The following HIVEP2 variants were observed in gnomAD, a reference collection of about 807,000 sequenced individuals.
HIVEP2 encodes the protein HIVEP zinc finger 2.
A neutral mutation model predicts 180.7 loss-of-function variants in HIVEP2; 14 were observed. That is an observed-to-expected ratio of 0.08 (90% CI 0.05 to 0.12). The LOEUF (loss-of-function observed/expected upper bound fraction) is 0.12, where lower values mean the gene tolerates loss of function less well. Ranked by LOEUF, HIVEP2 falls within the 10% of genes least tolerant of loss-of-function variation. HIVEP2 has a pLI of 1.00. For synonymous variants in HIVEP2, 1,184 were observed against 1,136.4 expected, an observed-to-expected ratio of 1.04 and a Z score of -0.84; for missense variants, 2,579 against 3,008.5, an observed-to-expected ratio of 0.86 and a Z score of 3.34.
chr6:142,882,124 T>C (rs993093736), intron 1 of HIVEP2, among the ~76,000 whole-genome samples: 1 of 152,194 alleles, frequency 6.6e-6, no homozygotes, highest in African/African-American at 2.4e-5. Context: ...TGAGCAGAGC[T>C]TATCCTTAAG....
At chr6:142,920,146 T>A (rs1777649549) in intron 1 of HIVEP2, among the ~76,000 whole-genome samples, 1 of 152,240 alleles carries the variant, frequency 6.6e-6, no homozygotes. Flanking sequence ...ACTCATTTTA[T>A]CTCCAAAGGT....
chr6:142,888,886 A>C (rs577582436), intron 1 of HIVEP2, among the ~76,000 whole-genome samples: 71 of 152,306 alleles, frequency 4.7e-4, no homozygotes, highest in African/African-American at 1.6e-3. Flanking sequence ...CTCTTCTCCC[A>C]AACTATGCTC....
chr6:142,822,897 C>T (rs1777078126), intron 2 of HIVEP2, among the ~76,000 whole-genome samples: 1 of 152,208 alleles, frequency 6.6e-6, no homozygotes, highest in Admixed American at 6.5e-5. Flanking sequence ...TACCAGCCTA[C>T]AGGCAAATAC....
At chr6:142,905,856 G>T (rs1417335493) in intron 1 of HIVEP2, among the ~76,000 whole-genome samples, 1 of 152,208 alleles carries the variant, frequency 6.6e-6, no homozygotes, top group Non-Finnish European at 1.5e-5. Flanking sequence ...ATCAGTCCGG[G>T]CGTGGTGGCT....
chr6:142,894,920 G>A (rs763040295), intron 1 of HIVEP2, among the ~76,000 whole-genome samples: 4 of 152,126 alleles, frequency 2.6e-5, no homozygotes, highest in Non-Finnish European at 5.9e-5. Context: ...ACAACGCTGG[G>A]ACCAGTAGAA....
At chr6:142,782,683 T>C (rs1157178799) in intron 3 of HIVEP2, among the ~76,000 whole-genome samples, 2 of 152,192 alleles carry the variant, frequency 1.3e-5, no homozygotes, top group African/African-American at 2.4e-5. Context: ...GTAAAAATAC[T>C]GTGATGATCA....
At chr6:142,904,350 G>C (rs1417868386) in intron 1 of HIVEP2, among the ~76,000 whole-genome samples, 1 of 152,130 alleles carries the variant, frequency 6.6e-6, no homozygotes, top group Non-Finnish European at 1.5e-5. Context: ...AACAATGCTA[G>C]AGTAAAAAGG....
At chr6:142,754,130 T>A (rs1450363225) in intron 9 of HIVEP2, among the ~76,000 whole-genome samples, 199 bp from the exon 10 acceptor site, 1 of 152,174 alleles carries the variant, frequency 6.6e-6, no homozygotes, top group African/African-American at 2.4e-5. Flanking sequence ...TGAATAAAGG[T>A]GTCGGCCTGT....
chr6:142,793,663 CTTTCTT>C (rs1554279280), intron 2 of HIVEP2, among the ~76,000 whole-genome samples: 74 of 109,564 alleles, frequency 6.8e-4, no homozygotes, highest in African/African-American at 2.4e-3. Flanking sequence ...TTTCTTTTTT[CTTTCTT>C]TCTTTCTCTC....
chr6:142,839,736 C>T (rs1775315848), intron 1 of HIVEP2, among the ~76,000 whole-genome samples: 1 of 151,960 alleles, frequency 6.6e-6, no homozygotes, highest in Non-Finnish European at 1.5e-5. Flanking sequence ...TTTGAGGAGC[C>T]CTCTAGAGTA....
At chr6:142,916,139 A>C (rs1777544232) in intron 1 of HIVEP2, among the ~76,000 whole-genome samples, 1 of 152,106 alleles carries the variant, frequency 6.6e-6, no homozygotes, top group Non-Finnish European at 1.5e-5. Flanking sequence ...TACCTCTTTA[A>C]TTCACTGTAG....
chr6:142,810,761 C>CA (rs60893476), intron 2 of HIVEP2, among the ~76,000 whole-genome samples: 4,050 of 100,564 alleles, frequency 0.04, 247 homozygotes, highest in African/African-American at 0.14. Context: ...GACTCTGTCT[C>CA]AAAAAAAAAA....
chr6:142,799,790 C>CAGTT (rs780847914), intron 2 of HIVEP2, among the ~76,000 whole-genome samples: 8 of 152,142 alleles, frequency 5.3e-5, no homozygotes, highest in Non-Finnish European at 1.0e-4. Flanking sequence ...GGCTAAGATG[C>CAGTT]AGTTAGTCCA....
intron 2 of HIVEP2, among the ~76,000 whole-genome samples, chr6:142,824,278 T>C (rs1777118914): frequency 1.3e-5 from 2 of 152,330 alleles, no homozygotes; most frequent in Non-Finnish European, 2.9e-5. Context: ...TTGTCAAGCA[T>C]GACCCATATA....
intron 1 of HIVEP2, among the ~76,000 whole-genome samples, chr6:142,889,297 C>T (rs1358361844): frequency 6.6e-6 from 1 of 151,998 alleles, no homozygotes; most frequent in African/African-American, 2.4e-5. Flanking sequence ...AAAGCAAGAC[C>T]CTGTCTCTAC....
chr6:142,792,762 A>G lies in HIVEP2; in HGVS notation c.-527-9147T>C, dbSNP rs1384238131. On this transcript the variant is annotated intron_variant, in intron 2 of 9. Coordinates refer to ENST00000367603, the MANE Select transcript of HIVEP2 (RefSeq NM_006734.4). ...TAATAAATAAATAAATGAATATTTC[A>G]TTAAAGAATGAATAAAAGAAAGTGG... Among the ~76,000 whole-genome samples the G allele has an allele frequency of 4.6e-5, 7 of 152,160 alleles. No individual in the cohort carries two copies. In the East Asian group the frequency reaches 7.7e-4, roughly 17 times the overall value.
In HIVEP2 at chr6:142,857,443, C is replaced by T. The variant is rs768028834; in HGVS notation, c.-640-20396G>A. On this transcript the variant is annotated intron_variant, in intron 1 of 9. Transcript: ENST00000367603. The stretch of plus-strand genomic sequence containing the variant: ...TGCAAATTGTTTTCCAAGCACCATC[C>T]GGCCATAATGACCAGGTTAGAACTG... 3.9e-5 allele frequency among the ~76,000 whole-genome samples: 6 copies of T among 152,288 alleles called. No homozygotes were observed. The East Asian group carries it at 5.8e-4, about 15-fold the overall frequency.
At chr6:142,928,199 T>C (rs1435620887) in intron 1 of HIVEP2, among the ~76,000 whole-genome samples, 1 of 152,172 alleles carries the variant, frequency 6.6e-6, no homozygotes, top group South Asian at 2.1e-4. Flanking sequence ...ACATGGGAAA[T>C]CTCTGTACCT....
chr6:142,903,451 A>C (rs984323417), intron 1 of HIVEP2, among the ~76,000 whole-genome samples: 1 of 152,166 alleles, frequency 6.6e-6, no homozygotes, highest in Admixed American at 6.5e-5. Flanking sequence ...ATTCTATTGA[A>C]ACTATTCCCT....
Sources: allele counts gnomAD v4.1 joint callset (sites outside exome capture counted in the v4.1 genomes callset), GRCh38; gene constraint gnomAD v4.1.1; transcripts MANE v1.5; gene names NCBI Gene and HGNC (gene_info 2026-07-23, HGNC 2026-07-21).